Variants in CA8 observed in about 807,000 individuals in gnomAD.
CA8 encodes carbonic anhydrase-related protein.
In CA8, 22 loss-of-function variants were observed where a neutral mutation model predicts 41.4. That is an observed-to-expected ratio of 0.53 (90% CI 0.38 to 0.76). The LOEUF (loss-of-function observed/expected upper bound fraction) is 0.76. Among genes scored for constraint, CA8 ranks in the 30% least tolerant of loss-of-function variants. The pLI is 0.00. For synonymous variants in CA8, 121 were observed against 130.6 expected (o/e 0.93, Z 0.50); for missense variants, 270 against 352.8 (o/e 0.77, Z 1.88).
intron 3 of CA8, among the ~76,000 whole-genome samples, chr8:60,238,591 T>G (rs12708003): frequency 0.35 from 53,151 of 151,990 alleles, 9,532 homozygotes; most frequent in African/African-American, 0.42. Flanking sequence ...CGTGCCTTTA[T>G]CTCCAGAGCT....
intron 4 of CA8, among the ~76,000 whole-genome samples, chr8:60,231,651 A>G (rs1469419410): frequency 6.6e-6 from 1 of 152,182 alleles, no homozygotes; most frequent in Non-Finnish European, 1.5e-5. Flanking sequence ...TTACGATGTC[A>G]AACAGGTAAT....
Position 60,281,115 on chromosome 8 carries a change from G to A in CA8, c.33C>T (p.Val11=). 6.3e-7 allele frequency: 1 copy of A among 1,597,092 alleles called. No individual in the cohort carries two copies. Among genetic ancestry groups the A allele is most frequent in the Non-Finnish European group, 8.5e-7 (1 of 1,173,334 alleles). ...CATCCTCTTCCTTCTCGGGGAAGGC[G>A]ACGGTATCTTCGATGAAGCTCAGGT... MADLSFIEDT[V]AFPEKEEDEE... is the part of the protein sequence containing the mutation. The change falls in exon 1 of 9, where the codon GTC becomes GTT. Residue 11 remains valine (V), a synonymous_variant. Coordinates refer to ENST00000317995, the MANE Select transcript of CA8 (RefSeq NM_004056.6).
intron 3 of CA8, among the ~76,000 whole-genome samples, chr8:60,245,738 A>G (rs560190580): frequency 6.6e-6 from 1 of 152,328 alleles, no homozygotes; most frequent in African/African-American, 2.4e-5. Context: ...TGGAACTTGT[A>G]CCAAAACAGC....
In CA8 at chr8:60,219,735, T is replaced by C. The variant is rs143641256; in HGVS notation, c.738+2914A>G. 5.5e-4 allele frequency among the ~76,000 whole-genome samples: 83 copies of C among 152,176 alleles called. 1 individual carries two copies. In the East Asian group the frequency reaches 0.016, roughly 29 times the overall value. Reference sequence around the variant, plus strand: ...ACCCAGCACTGACATCACACATGACTGGCTGGATCCCCAAATCCACCCTTA... The same window carrying C: ...ACCCAGCACTGACATCACACATGACCGGCTGGATCCCCAAATCCACCCTTA... On this transcript the variant is annotated intron_variant, in intron 7 of 8. Coordinates refer to ENST00000317995, the MANE Select transcript of CA8 (RefSeq NM_004056.6).
In CA8 at chr8:60,229,659, T is replaced by C. The variant is rs1563357265; in HGVS notation, c.513+2625A>G. Among the ~76,000 whole-genome samples, 10 of 152,252 alleles carry C rather than the reference T, an allele frequency of 6.6e-5. No homozygotes were observed. The South Asian group carries it at 2.1e-3, about 32-fold the overall frequency. On this transcript the variant is annotated intron_variant, in intron 4 of 8. Transcript: ENST00000317995. ...AGGACACTGCTGGTACGTGCTCTCA[T>C]TCTGAAAACTTTAACTCTGAAAGAC...
At chr8:60,214,711 C>T (rs1057183188) in intron 7 of CA8, among the ~76,000 whole-genome samples, 1 of 152,136 alleles carries the variant, frequency 6.6e-6, no homozygotes, top group African/African-American at 2.4e-5. Context: ...CAGGCACTAA[C>T]TCGGGCTGTC....
rs1806060594 is a variant in CA8, at chr8:60,189,704, A to C, written c.*317T>G. On this transcript the variant is annotated 3_prime_UTR_variant, in exon 9 of 9. Transcript: ENST00000317995. ...ATGATATATATTCATATTAATAACAACTCTGGAAACTAGTTTCATTCCTTC... is the reference window on the plus strand; with the variant it reads ...ATGATATATATTCATATTAATAACACCTCTGGAAACTAGTTTCATTCCTTC... 6.6e-6 allele frequency: 1 copy of C among 152,534 alleles called. No homozygotes were observed. The highest frequency in any genetic ancestry group is 1.5e-5 in the Non-Finnish European group (1 of 67,994). The allele number at this position is 152,534 out of a possible 1,614,324, so 9.4% of individuals were successfully genotyped here. A position where few individuals can be genotyped will look rare whatever the true frequency, so the allele number is the denominator to read the frequency against.
intron 7 of CA8, among the ~76,000 whole-genome samples, chr8:60,219,308 GC>G (rs2130456221): frequency 6.6e-6 from 1 of 152,084 alleles, no homozygotes; most frequent in Admixed American, 6.5e-5. Flanking sequence ...ACAGGCACCT[GC>G]CACCACACCC....
rs775194207 is a variant in CA8 at position 60,232,289 on chromosome 8, C to G, written c.508G>C (p.Val170Leu). Reference sequence around the variant, plus strand: ...AATCACAGCAGACCGTTTACCTGAACAAACAGAGCAATGATGGCGATTCCG... The same window carrying G: ...AATCACAGCAGACCGTTTACCTGAAGAAACAGAGCAATGATGGCGATTCCG... ...PHGIAIIALF[V>L]QIGKEHVGLK... Residue 170 changes from valine to leucine, a missense_variant, in exon 4 of 9, where the codon GTT becomes CTT. Physicochemically the swap from Val to Leu is conservative, Grantham distance 32. This residue lies in a region of CA8 where 141 missense variants were observed against 191.6 expected (regional missense o/e 0.74). Transcript: ENST00000317995. 1 of 1,610,780 alleles carries G rather than the reference C, an allele frequency of 6.2e-7. No homozygotes were observed. The highest frequency in any genetic ancestry group is 2.2e-5 in the East Asian group (1 of 44,848).
intron 3 of CA8, among the ~76,000 whole-genome samples, chr8:60,261,143 G>A (rs973960492): frequency 2.0e-5 from 3 of 152,000 alleles, no homozygotes; most frequent in Non-Finnish European, 4.4e-5. Flanking sequence ...TATAGTTTAA[G>A]GATTAGCAAT....
chr8:60,278,589 C>T (rs1272752364), intron 2 of CA8, among the ~76,000 whole-genome samples: 5 of 152,250 alleles, frequency 3.3e-5, no homozygotes, highest in South Asian at 2.1e-4. Flanking sequence ...AAATTCAAGT[C>T]GAAATTTCCA....
chr8:60,281,087 C>T lies in CA8; in HGVS notation c.61G>A (p.Glu21Lys), dbSNP rs752760505. Reference sequence around the variant, plus strand: ...CACTCCACACCCTCCTCTTCTTCCTCCTCATCCTCTTCCTTCTCGGGGAAG... The same window carrying T: ...CACTCCACACCCTCCTCTTCTTCCTTCTCATCCTCTTCCTTCTCGGGGAAG... Reference protein sequence around the residue: ...VAFPEKEEDEEEEEEGVEWGY... With the variant: ...VAFPEKEEDEKEEEEGVEWGY... The change falls in exon 1 of 9, where the codon GAG becomes AAG. Residue 21 changes from glutamate to lysine, a missense_variant. Around this residue, in one of 3 missense-constraint regions of CA8, gnomAD observed 123 missense variants for 136.8 expected, o/e 0.90. Transcript: ENST00000317995. The T allele has an allele frequency of 4.3e-6, 7 of 1,610,540 alleles. No homozygotes were observed. In the South Asian group the frequency reaches 6.6e-5, roughly 15 times the overall value.
At chr8:60,207,659 A>G (rs1806674768) in intron 8 of CA8, among the ~76,000 whole-genome samples, 1 of 152,216 alleles carries the variant, frequency 6.6e-6, no homozygotes, top group Admixed American at 6.5e-5. Flanking sequence ...TCTATTTCAT[A>G]TACATCAACT....
At position 60,256,723 on chromosome 8, in the gene CA8, A is replaced by G. The variant is rs186661051; in HGVS notation, c.417+9202T>C. ...ATTGCCCAATTATCTTTCTCAAGGC[A>G]ATATTTATTTTCCTTGCAAAATACA... On this transcript the variant is annotated intron_variant, in intron 3 of 8. Coordinates refer to ENST00000317995, the MANE Select transcript of CA8 (RefSeq NM_004056.6). Among the ~76,000 whole-genome samples the G allele has an allele frequency of 8.5e-5, 13 of 152,360 alleles. No individual in the cohort carries two copies. In the East Asian group the frequency reaches 2.3e-3, roughly 27 times the overall value.
intron 3 of CA8, among the ~76,000 whole-genome samples, chr8:60,246,619 T>A (rs1426811583): frequency 6.6e-6 from 1 of 152,144 alleles, no homozygotes; most frequent in Non-Finnish European, 1.5e-5. Flanking sequence ...ATAGAAATAA[T>A]ATCAATTAAA....
At chr8:60,244,135 T>A (rs1401845656) in intron 3 of CA8, among the ~76,000 whole-genome samples, 1 of 152,204 alleles carries the variant, frequency 6.6e-6, no homozygotes, top group African/African-American at 2.4e-5. Context: ...ATCTCTTCCA[T>A]CATCCTCTTC....
At chr8:60,272,256 C>T (rs987270529) in intron 2 of CA8, among the ~76,000 whole-genome samples, 2 of 152,126 alleles carry the variant, frequency 1.3e-5, no homozygotes, top group African/African-American at 4.8e-5. Flanking sequence ...ACTGACACTG[C>T]AATGCCTGTG....
chr8:60,261,088 G>A (rs1418667828), intron 3 of CA8, among the ~76,000 whole-genome samples: 1 of 152,074 alleles, frequency 6.6e-6, no homozygotes, highest in African/African-American at 2.4e-5. Flanking sequence ...CCTGGAAAGA[G>A]AAGAAGAAAT....
chr8:60,212,351 T>G (rs1007136797), intron 7 of CA8, among the ~76,000 whole-genome samples: 3 of 152,258 alleles, frequency 2.0e-5, no homozygotes, highest in Admixed American at 6.5e-5. Context: ...TTCACTTGCA[T>G]TTCATGTGTC....
Sources: gnomAD v4.1 joint callset for allele counts (sites outside exome capture counted in the v4.1 genomes callset) on GRCh38, gnomAD v4.1.1 for gene constraint, gnomAD v4.1.1 regional missense constraint, MANE v1.5 for transcripts, NCBI Gene and HGNC (gene_info 2026-07-23, HGNC 2026-07-21) for gene names.